Variants in EZH2 observed in about 807,000 individuals in gnomAD.
EZH2 encodes histone-lysine N-methyltransferase EZH2.
A neutral mutation model predicts 98.4 loss-of-function variants in EZH2; 18 were observed. That is an observed-to-expected ratio of 0.18 (90% CI 0.13 to 0.27). EZH2 has a LOEUF of 0.27. Among genes scored for constraint, EZH2 ranks in the 10% least tolerant of loss-of-function variants. The pLI is 1.00. For synonymous variants in EZH2, 338 were observed against 312.3 expected, an observed-to-expected ratio of 1.08 and a Z score of -0.87; for missense variants, 470 against 935.1, an observed-to-expected ratio of 0.50 and a Z score of 6.49.
At chr7:148,826,675 A>G in intron 7 of EZH2, 43 bp from the exon 8 acceptor site, 1 of 1,409,864 alleles carries the variant, frequency 7.1e-7, no homozygotes, top group South Asian at 1.9e-5. Context: ...TGAAACAAAA[A>G]TCACTTTTTT....
intron 4 of EZH2, among the ~76,000 whole-genome samples, chr7:148,831,102 G>C (rs1809265549): frequency 6.6e-6 from 1 of 152,234 alleles, no homozygotes; most frequent in Middle Eastern, 3.4e-3. Flanking sequence ...CGCTGGGAAA[G>C]GCCACACACA....
At chr7:148,857,562 C>T (rs1425876883) in intron 1 of EZH2, among the ~76,000 whole-genome samples, 2 of 151,812 alleles carry the variant, frequency 1.3e-5, no homozygotes, top group African/African-American at 2.4e-5. Flanking sequence ...AGCAGCCTGG[C>T]CAATATGGTG....
chr7:148,860,332 G>A (rs1441502910), intron 1 of EZH2, among the ~76,000 whole-genome samples: 31 of 143,208 alleles, frequency 2.2e-4, no homozygotes, highest in Non-Finnish European at 3.1e-4. Flanking sequence ...GGGCATAGAA[G>A]AAAAAAAAAA....
intron 3 of EZH2, among the ~76,000 whole-genome samples, chr7:148,840,002 C>G (rs1812024405): frequency 6.6e-6 from 1 of 152,082 alleles, no homozygotes; most frequent in South Asian, 2.1e-4. Context: ...ACGGTATAAC[C>G]AATTCTAACA....
At chr7:148,883,821 C>G (rs1176247498) in intron 1 of EZH2, among the ~76,000 whole-genome samples, 1 of 151,892 alleles carries the variant, frequency 6.6e-6, no homozygotes, top group Non-Finnish European at 1.5e-5. Flanking sequence ...CCACCCTGGA[C>G]CGGGCACCGG....
At chr7:148,868,222 G>C (rs1367506261) in intron 1 of EZH2, among the ~76,000 whole-genome samples, 1 of 152,120 alleles carries the variant, frequency 6.6e-6, no homozygotes, top group Non-Finnish European at 1.5e-5. Flanking sequence ...TTCTGTATTA[G>C]TCCATTCTCA....
chr7:148,809,877 C>A (rs771461122), intron 17 of EZH2, among the ~76,000 whole-genome samples: 1 of 152,242 alleles, frequency 6.6e-6, no homozygotes, highest in Non-Finnish European at 1.5e-5. Flanking sequence ...CACAGCCTTA[C>A]ATTCTACCCC....
rs181493659 is a variant in EZH2 at position 148,845,807 on chromosome 7, A to T, written c.246+663T>A. On this transcript the variant is annotated intron_variant, in intron 3 of 19. Transcript: ENST00000320356. ...TATCCTATGCCATGTCTTTCTATAC[A>T]ACACAGGCACTTAAAAACAGAAATG... is the stretch of plus-strand genomic sequence containing the variant. Among the ~76,000 whole-genome samples the T allele has an allele frequency of 2.0e-5, 3 of 152,326 alleles. No individual in the cohort carries two copies. The East Asian group carries it at 5.8e-4, about 29-fold the overall frequency.
At chr7:148,882,079 G>A (rs1220254014) in intron 1 of EZH2, among the ~76,000 whole-genome samples, 1 of 151,524 alleles carries the variant, frequency 6.6e-6, no homozygotes, top group Admixed American at 6.6e-5. Flanking sequence ...ATTATTAATA[G>A]GATTTTTTAA....
At chr7:148,867,855 C>T (rs1818763447) in intron 1 of EZH2, among the ~76,000 whole-genome samples, 1 of 152,228 alleles carries the variant, frequency 6.6e-6, no homozygotes, top group Admixed American at 6.5e-5. Flanking sequence ...GAAATTTCTT[C>T]CGCCAGATAC....
At chr7:148,875,372 G>T (rs921718554) in intron 1 of EZH2, among the ~76,000 whole-genome samples, 1 of 152,140 alleles carries the variant, frequency 6.6e-6, no homozygotes, top group Non-Finnish European at 1.5e-5. Flanking sequence ...CAATCTGACA[G>T]ATAATGTGAC....
In EZH2 at chr7:148,817,405, T is replaced by G; in HGVS notation, c.1241-14A>C. On this transcript the variant is annotated splice_polypyrimidine_tract_variant and intron_variant, in intron 10 of 19. Coordinates refer to ENST00000320356, the MANE Select transcript of EZH2 (RefSeq NM_004456.5). ...GAGAATTTGCTTCTACAAAACCAAATGTAAGCACTGGTCAAGAAATGATTG... is the reference window on the plus strand; with the variant it reads ...GAGAATTTGCTTCTACAAAACCAAAGGTAAGCACTGGTCAAGAAATGATTG... The G allele has an allele frequency of 6.2e-7, 1 of 1,610,334 alleles. No homozygotes were observed. Among genetic ancestry groups the G allele is most frequent in the East Asian group, 2.2e-5 (1 of 44,822 alleles).
chr7:148,832,250 C>T (rs1563253215), intron 4 of EZH2, among the ~76,000 whole-genome samples: 1 of 152,016 alleles, frequency 6.6e-6, no homozygotes, highest in Non-Finnish European at 1.5e-5. Flanking sequence ...ACCCAGCTAA[C>T]TTTTGTTTTG....
At chr7:148,826,327 A>C (rs533796424) in intron 8 of EZH2, 127 bp downstream of exon 8, 5 of 680,804 alleles carry the variant, frequency 7.3e-6, no homozygotes, top group Non-Finnish European at 1.1e-5. Flanking sequence ...AATAATACTG[A>C]GATCTAAAGA....
At chr7:148,870,519 T>A (rs1819199050) in intron 1 of EZH2, among the ~76,000 whole-genome samples, 1 of 151,890 alleles carries the variant, frequency 6.6e-6, no homozygotes, top group African/African-American at 2.4e-5. Flanking sequence ...CGGGGCAACA[T>A]GGCGAAACCC....
At chr7:148,857,861 T>A (rs1391956510) in intron 1 of EZH2, among the ~76,000 whole-genome samples, 2 of 152,024 alleles carry the variant, frequency 1.3e-5, no homozygotes, top group Admixed American at 6.5e-5. Flanking sequence ...CATTCATTTT[T>A]AAAAATAACA....
chr7:148,883,098 T>G (rs1585347371), intron 1 of EZH2: 2 of 152,358 alleles, frequency 1.3e-5, no homozygotes, highest in Middle Eastern at 6.8e-3. Flanking sequence ...ACAGTTGATT[T>G]CGTTAGCACC....
Position 148,849,971 on chromosome 7 carries a change from A to C in EZH2, c.-7-2666T>G, listed in dbSNP as rs565800577. ...GTAGCACCCCTGTGCAATAAGGCCT[A>C]GGGTAGTAACGTGTTTAGTTTTCAC... is the stretch of plus-strand genomic sequence containing the variant. On this transcript the variant is annotated intron_variant, in intron 1 of 19. Coordinates refer to ENST00000320356, the MANE Select transcript of EZH2 (RefSeq NM_004456.5). Among the ~76,000 whole-genome samples the C allele has an allele frequency of 4.1e-4, 62 of 152,284 alleles. No homozygotes were observed. The Middle Eastern group carries it at 0.017, about 42-fold the overall frequency.
intron 1 of EZH2, among the ~76,000 whole-genome samples, chr7:148,858,303 A>C (rs963886821): frequency 6.8e-6 from 1 of 147,768 alleles, no homozygotes; most frequent in Non-Finnish European, 1.5e-5. Flanking sequence ...AAAAAAAAAC[A>C]GGTAGTAATT....
Sources: gnomAD v4.1 joint callset for allele counts (sites outside exome capture counted in the v4.1 genomes callset) on GRCh38, gnomAD v4.1.1 for gene constraint, MANE v1.5 for transcripts, NCBI Gene and HGNC (gene_info 2026-07-23, HGNC 2026-07-21) for gene names.